Variants in CCDC178 observed in about 807,000 individuals in gnomAD.
The protein encoded by CCDC178 is coiled-coil domain containing 178, also known as coiled-coil domain-containing protein 178.
A neutral mutation model predicts 117.4 loss-of-function variants in CCDC178; 126 were observed. The observed-to-expected ratio is 1.07, with a 90% CI of 0.93 to 1.24. The LOEUF is 1.24. Among genes scored for constraint, CCDC178 ranks in the 50% most tolerant of loss-of-function variants. The pLI is 0.00. For missense variants in CCDC178, 1,030 were observed against 986.9 expected (o/e 1.04, Z -0.59); for synonymous variants, 283 against 313.4 (o/e 0.90, Z 1.02).
At chr18:33,240,731 A>C (rs2059477374) in intron 15 of CCDC178, among the ~76,000 whole-genome samples, 1 of 151,856 alleles carries the variant, frequency 6.6e-6, no homozygotes, top group Non-Finnish European at 1.5e-5. Flanking sequence ...CAACAGAGAA[A>C]AATTCAGGAC....
At chr18:33,039,479 G>A (rs757682063) in intron 21 of CCDC178, among the ~76,000 whole-genome samples, 3 of 152,050 alleles carry the variant, frequency 2.0e-5, no homozygotes, top group Non-Finnish European at 4.4e-5. Flanking sequence ...TCACATTGGA[G>A]TGAAGCATTG....
At chr18:33,157,745 G>A (rs1393997036) in intron 20 of CCDC178, among the ~76,000 whole-genome samples, 1 of 152,096 alleles carries the variant, frequency 6.6e-6, no homozygotes, top group East Asian at 1.9e-4. Flanking sequence ...GGCTTTTTAG[G>A]CATTTCATGG....
In CCDC178 at chr18:33,062,365, C is replaced by T. The variant is rs916789455; in HGVS notation, c.2388+30396G>A. On this transcript the variant is annotated intron_variant, in intron 21 of 22. Coordinates refer to ENST00000383096, the MANE Select transcript of CCDC178 (RefSeq NM_001105528.4). ...TCACGATGGCTGAATAGAGGCTCAC[C>T]ACACTCACCTTCTCCACAGATAAGG... Among the ~76,000 whole-genome samples, 12 of 152,242 alleles carry T rather than the reference C, an allele frequency of 7.9e-5. No homozygotes were observed. In the East Asian group the frequency reaches 2.1e-3, roughly 27 times the overall value.
At chr18:33,242,678 C>T (rs865872939) in intron 15 of CCDC178, among the ~76,000 whole-genome samples, 25 of 151,616 alleles carry the variant, frequency 1.6e-4, no homozygotes, top group Admixed American at 1.2e-3. Context: ...TACTAATTAC[C>T]AGATAAATGC....
At chr18:32,952,464 C>T (rs1304082312) in intron 22 of CCDC178, among the ~76,000 whole-genome samples, 2 of 152,210 alleles carry the variant, frequency 1.3e-5, no homozygotes, top group Non-Finnish European at 2.9e-5. Context: ...ATCTTGGCCC[C>T]TTTTAGCTAC....
At chr18:33,273,012 T>C (rs1300441276) in intron 12 of CCDC178, among the ~76,000 whole-genome samples, 1 of 150,762 alleles carries the variant, frequency 6.6e-6, no homozygotes, top group South Asian at 2.1e-4. Context: ...TTTAACATTG[T>C]ATTTGATGCT....
chr18:33,185,838 A>G (rs2058786382), intron 20 of CCDC178, among the ~76,000 whole-genome samples: 1 of 151,728 alleles, frequency 6.6e-6, no homozygotes, highest in Admixed American at 6.6e-5. Flanking sequence ...CCTATGGGTC[A>G]GTAGTTTCCA....
At chr18:33,110,601 T>A (rs1251846162) in intron 20 of CCDC178, among the ~76,000 whole-genome samples, 3 of 151,560 alleles carry the variant, frequency 2.0e-5, no homozygotes, top group Non-Finnish European at 3.0e-5. Context: ...GTATCTTTTT[T>A]AAAAAAATAT....
chr18:33,143,828 A>G (rs1410270886), intron 20 of CCDC178, among the ~76,000 whole-genome samples: 1 of 152,146 alleles, frequency 6.6e-6, no homozygotes, highest in Non-Finnish European at 1.5e-5. Context: ...TATTCTCTAC[A>G]TAGAAAAATC....
chr18:33,284,282 A>G (rs1389472335), intron 12 of CCDC178, among the ~76,000 whole-genome samples: 5 of 152,142 alleles, frequency 3.3e-5, no homozygotes, highest in African/African-American at 1.2e-4. Context: ...GAGGGAGAGG[A>G]TCAGGAAAAA....
At chr18:33,402,073 T>C (rs953395342) in intron 3 of CCDC178, among the ~76,000 whole-genome samples, 1 of 152,138 alleles carries the variant, frequency 6.6e-6, no homozygotes, top group East Asian at 1.9e-4. Flanking sequence ...AAAATAAATA[T>C]TGAAGGCCAC....
intron 20 of CCDC178, among the ~76,000 whole-genome samples, chr18:33,139,132 C>T (rs1002088853): frequency 1.3e-5 from 2 of 152,184 alleles, no homozygotes; most frequent in Non-Finnish European, 2.9e-5. Context: ...TGCACAAGCT[C>T]TCTCTTTGCC....
At chr18:33,178,301 TAAGGTTTCAGCA>T (rs2058687761) in intron 20 of CCDC178, among the ~76,000 whole-genome samples, 2 of 152,186 alleles carry the variant, frequency 1.3e-5, no homozygotes, top group Non-Finnish European at 2.9e-5. Context: ...AATTAGTGAC[TAAGGTTTCAGCA>T]AATCCCATTA....
At chr18:33,307,681 G>A (rs183306148) in intron 11 of CCDC178, among the ~76,000 whole-genome samples, 183 of 152,304 alleles carry the variant, frequency 1.2e-3, no homozygotes, top group Non-Finnish European at 2.1e-3. Flanking sequence ...GGCCTAGGAG[G>A]GAAAAACGGT....
At chr18:33,263,371 G>A (rs1293657405) in intron 14 of CCDC178, among the ~76,000 whole-genome samples, 2 of 152,098 alleles carry the variant, frequency 1.3e-5, no homozygotes, top group African/African-American at 4.8e-5. Flanking sequence ...TTTACAACAA[G>A]TAGTTAAAAA....
At chr18:33,105,234 GCA>G (rs1275287139) in intron 20 of CCDC178, among the ~76,000 whole-genome samples, 2 of 151,556 alleles carry the variant, frequency 1.3e-5, no homozygotes, top group Non-Finnish European at 3.0e-5. Flanking sequence ...ACTAAGTCAG[GCA>G]CAGTTAGTAC....
intron 15 of CCDC178, among the ~76,000 whole-genome samples, chr18:33,238,714 A>C (rs1480456900): frequency 6.6e-6 from 1 of 152,158 alleles, no homozygotes; most frequent in Non-Finnish European, 1.5e-5. Flanking sequence ...AACATGTTTA[A>C]TGAAATAATA....
At chr18:33,082,268 C>T (rs1261859140) in intron 21 of CCDC178, among the ~76,000 whole-genome samples, 5 of 151,996 alleles carry the variant, frequency 3.3e-5, no homozygotes, top group East Asian at 1.9e-4. Flanking sequence ...CTCAGGAGTT[C>T]GAGATCAGCC....
At chr18:33,351,156 G>GTGTT (rs1315978577) in intron 7 of CCDC178, among the ~76,000 whole-genome samples, 1 of 150,638 alleles carries the variant, frequency 6.6e-6, no homozygotes, top group East Asian at 1.9e-4. Context: ...TGATGTGTGT[G>GTGTT]TGTGTGTGTG....
Sources: gnomAD v4.1 joint callset for allele counts (sites outside exome capture counted in the v4.1 genomes callset) on GRCh38, gnomAD v4.1.1 for gene constraint, MANE v1.5 for transcripts, NCBI Gene and HGNC (gene_info 2026-07-23, HGNC 2026-07-21) for gene names.